CDH13: variants seen among roughly 807,000 people sequenced by gnomAD.
CDH13 encodes cadherin-13.
In CDH13, 24 loss-of-function variants were observed where a neutral mutation model predicts 63.8. The observed-to-expected ratio is 0.38, with a 90% CI of 0.27 to 0.53. CDH13 has a LOEUF of 0.53. CDH13 is among the 20% of genes least tolerant of loss of function. The pLI, the probability that CDH13 is intolerant of heterozygous loss-of-function variation, is 0.85. For missense variants in CDH13, 1,049 were observed against 903.1 expected (o/e 1.16, Z -2.07); for synonymous variants, 503 against 355.3 (o/e 1.42, Z -4.67).
At chr16:83,222,151 C>A (rs1159659553) in intron 5 of CDH13, among the ~76,000 whole-genome samples, 1 of 152,170 alleles carries the variant, frequency 6.6e-6, no homozygotes, top group East Asian at 1.9e-4. Flanking sequence ...GTGTTCCTGG[C>A]CTCAGAACAT....
At chr16:82,860,398 G>A (rs1245294643) in intron 2 of CDH13, among the ~76,000 whole-genome samples, 1 of 124,364 alleles carries the variant, frequency 8.0e-6, no homozygotes. Flanking sequence ...TGGGGGGGGG[G>A]GCGGCGGTGT....
intron 6 of CDH13, among the ~76,000 whole-genome samples, chr16:83,427,229 C>T (rs1451536349): frequency 6.6e-6 from 1 of 152,038 alleles, no homozygotes; most frequent in African/African-American, 2.4e-5. Flanking sequence ...ATGTTTCTTA[C>T]ATGGTCAAAG....
chr16:83,107,675 C>G (rs749668040), intron 3 of CDH13, among the ~76,000 whole-genome samples: 3 of 151,182 alleles, frequency 2.0e-5, no homozygotes, highest in South Asian at 2.1e-4. Context: ...CAGCTGAATT[C>G]TCTTTCTCTC....
intron 1 of CDH13, chr16:82,844,760 C>T (rs1241599429): frequency 1.3e-5 from 2 of 148,284 alleles, no homozygotes; most frequent in Non-Finnish European, 3.0e-5. Context: ...CTGCCTCAGC[C>T]TCCTGAGTAT....
At chr16:83,157,736 TATAA>T (rs1266785933) in intron 4 of CDH13, among the ~76,000 whole-genome samples, 20 of 70,612 alleles carry the variant, frequency 2.8e-4, no homozygotes, top group African/African-American at 1.1e-3. Context: ...CTACTAGAAA[TATAA>T]AAAAAAAAAA....
At chr16:83,008,358 G>T (rs1273380577) in intron 2 of CDH13, among the ~76,000 whole-genome samples, 3 of 152,154 alleles carry the variant, frequency 2.0e-5, no homozygotes, top group Admixed American at 1.3e-4. Context: ...TTATGCAGGG[G>T]AGCCTTGGAA....
rs7202437 is a variant in CDH13, at chr16:82,641,532, A to G, written c.45+14395A>G. ...CTCTTTCCCACTAGATGGTACCAGT[A>G]TGCCAAAGCCCTAGAATGCTACCTT... On this transcript the variant is annotated intron_variant, in intron 1 of 13. Transcript: ENST00000567109. Among the ~76,000 whole-genome samples, 1,440 of 152,350 alleles carry G rather than the reference A, an allele frequency of 9.5e-3. 14 individuals carry two copies. Among genetic ancestry groups the G allele is most frequent in the Non-Finnish European group, 0.013 (917 of 68,028 alleles).
chr16:83,525,611 G>C (rs2074942749), intron 7 of CDH13, among the ~76,000 whole-genome samples: 1 of 152,150 alleles, frequency 6.6e-6, no homozygotes, highest in African/African-American at 2.4e-5. Context: ...ATCCATAGTA[G>C]GCAAGATAAT....
chr16:83,473,039 G>A (rs2073499983), intron 6 of CDH13, among the ~76,000 whole-genome samples: 1 of 152,146 alleles, frequency 6.6e-6, no homozygotes, highest in Non-Finnish European at 1.5e-5. Flanking sequence ...AGCTACCCCA[G>A]TCTGTGAGCC....
chr16:83,366,128 C>A (rs1380896042), intron 6 of CDH13, among the ~76,000 whole-genome samples: 1 of 152,184 alleles, frequency 6.6e-6, no homozygotes, highest in East Asian at 1.9e-4. Context: ...AGTAAAGCTG[C>A]TTTTCACAAC....
intron 3 of CDH13, among the ~76,000 whole-genome samples, chr16:83,085,478 A>G (rs11645153): frequency 0.14 from 21,222 of 152,144 alleles, 1,810 homozygotes; most frequent in Admixed American, 0.19. Context: ...CAAGACTGGG[A>G]GAATGTGGAA....
intron 2 of CDH13, among the ~76,000 whole-genome samples, chr16:82,904,397 C>T (rs750824621): frequency 2.6e-5 from 4 of 152,116 alleles, no homozygotes; most frequent in African/African-American, 9.7e-5. Flanking sequence ...TGATTTTTAG[C>T]TTAATTTGAG....
At position 83,300,022 on chromosome 16, in the gene CDH13, G is replaced by A. The variant is rs144431069; in HGVS notation, c.637-44840G>A. On this transcript the variant is annotated intron_variant, in intron 5 of 13. Coordinates refer to ENST00000567109, the MANE Select transcript of CDH13 (RefSeq NM_001257.5). ...GTTGTCAAATGAGAGCCTCAGTTTC[G>A]TCACAGGAGTAATATCCCATCACTT... Among the ~76,000 whole-genome samples the A allele has an allele frequency of 2.8e-3, 421 of 152,258 alleles. 2 individuals carry two copies. Among genetic ancestry groups the A allele is most frequent in the Non-Finnish European group, 5.2e-3 (356 of 68,022 alleles).
chr16:83,791,669 G>C (rs1916274467), intron 13 of CDH13, among the ~76,000 whole-genome samples: 1 of 151,618 alleles, frequency 6.6e-6, no homozygotes, highest in African/African-American at 2.4e-5. Context: ...AAATTAGCTG[G>C]GTGTGGTGGC....
intron 8 of CDH13, among the ~76,000 whole-genome samples, chr16:83,667,522 G>A (rs1263028809): frequency 6.6e-6 from 1 of 151,906 alleles, no homozygotes; most frequent in African/African-American, 2.4e-5. Context: ...TCATGTGTTG[G>A]GCACTGTGCT....
intron 5 of CDH13, among the ~76,000 whole-genome samples, chr16:83,316,350 C>T (rs946810774): frequency 6.6e-6 from 1 of 152,150 alleles, no homozygotes; most frequent in African/African-American, 2.4e-5. Context: ...ATACACTGGC[C>T]TAGTGGAGGG....
chr16:82,795,908 C>T (rs1039491896), intron 1 of CDH13, among the ~76,000 whole-genome samples: 3 of 151,296 alleles, frequency 2.0e-5, no homozygotes, highest in South Asian at 2.1e-4. Context: ...TGTCTCTATT[C>T]GCTTAACACA....
chr16:83,631,196 A>G (rs929619663), intron 8 of CDH13, among the ~76,000 whole-genome samples: 3 of 152,228 alleles, frequency 2.0e-5, no homozygotes, highest in Admixed American at 6.5e-5. Context: ...CCCTCAGGTT[A>G]TCTGGCAGAA....
intron 10 of CDH13, among the ~76,000 whole-genome samples, chr16:83,731,609 T>C (rs758879133): frequency 1.2e-4 from 18 of 152,200 alleles, no homozygotes; most frequent in Non-Finnish European, 2.4e-4. Context: ...ATTCTATAGG[T>C]TGTCTGTTTA....
Sources: gnomAD v4.1 joint callset for allele counts (sites outside exome capture counted in the v4.1 genomes callset) on GRCh38, gnomAD v4.1.1 for gene constraint, MANE v1.5 for transcripts, NCBI Gene and HGNC (gene_info 2026-07-23, HGNC 2026-07-21) for gene names.